The following ZBTB38 variants were observed in gnomAD, a reference collection of about 807,000 sequenced individuals.
ZBTB38 encodes the protein zinc finger and BTB domain containing 38, also known as zinc finger and BTB domain-containing protein 38.
A neutral mutation model predicts 76.8 loss-of-function variants in ZBTB38; 20 were observed. The observed-to-expected ratio is 0.26, with a 90% CI of 0.18 to 0.38. The LOEUF (loss-of-function observed/expected upper bound fraction) is 0.38, where lower values mean the gene tolerates loss of function less well. Among genes scored for constraint, ZBTB38 ranks in the 10% least tolerant of loss-of-function variants. The pLI, the probability that ZBTB38 is intolerant of heterozygous loss-of-function variation, is 1.00. For synonymous variants in ZBTB38, 504 were observed against 544.2 expected, an observed-to-expected ratio of 0.93 and a Z score of 1.03; for missense variants, 1,082 against 1,482.3, an observed-to-expected ratio of 0.73 and a Z score of 4.43.
chr3:141,404,991 C>A (rs185477150), intron 5 of ZBTB38, among the ~76,000 whole-genome samples: 1 of 152,314 alleles, frequency 6.6e-6, no homozygotes, highest in Admixed American at 6.5e-5. Flanking sequence ...CACCAAAATT[C>A]CTACTTCTAA....
chr3:141,398,102 T>C (rs1366118205), intron 4 of ZBTB38, among the ~76,000 whole-genome samples: 2 of 152,250 alleles, frequency 1.3e-5, no homozygotes, highest in Admixed American at 6.5e-5. Flanking sequence ...TTAAAAAATG[T>C]ATAAACTATT....
In ZBTB38 at chr3:141,339,069, A is replaced by G. The variant is rs1178696968; in HGVS notation, c.-739+14613A>G. On this transcript the variant is annotated intron_variant, in intron 1 of 7. Transcript: ENST00000509842. ...CTGGAGTTGTGACATTCAAGCAGAG[A>G]CCTGAATGAAGCAAGAGAGTGGGCC... Among the ~76,000 whole-genome samples, 5 of 152,218 alleles carry G rather than the reference A, an allele frequency of 3.3e-5. No individual in the cohort carries two copies. The East Asian group carries it at 7.8e-4, about 24-fold the overall frequency.
At chr3:141,330,870 A>G (rs1053013356) in intron 1 of ZBTB38, among the ~76,000 whole-genome samples, 2 of 152,208 alleles carry the variant, frequency 1.3e-5, no homozygotes, top group Non-Finnish European at 2.9e-5. Flanking sequence ...CTCTGCAGAG[A>G]GTCCCCACCA....
intron 1 of ZBTB38, among the ~76,000 whole-genome samples, chr3:141,330,280 G>A (rs956187637): frequency 1.3e-5 from 2 of 152,092 alleles, no homozygotes; most frequent in African/African-American, 4.8e-5. Context: ...CAATTAATGC[G>A]CTCTCCTGAC....
intron 5 of ZBTB38, among the ~76,000 whole-genome samples, chr3:141,427,081 C>T (rs1384679635): frequency 6.6e-6 from 1 of 152,046 alleles, no homozygotes; most frequent in Non-Finnish European, 1.5e-5. Flanking sequence ...GTTGACCTGA[C>T]ACTGGGTCTG....
chr3:141,427,007 CCTT>C (rs937330112), intron 5 of ZBTB38, among the ~76,000 whole-genome samples: 11 of 150,512 alleles, frequency 7.3e-5, no homozygotes, highest in African/African-American at 2.7e-4. Context: ...GTCAGAACAA[CCTT>C]CTTGGCTTTT....
chr3:141,399,687 T>C (rs1275320131), intron 4 of ZBTB38, among the ~76,000 whole-genome samples: 2 of 152,236 alleles, frequency 1.3e-5, no homozygotes, highest in East Asian at 1.9e-4. Flanking sequence ...TCCTAACCAA[T>C]AGTAGGAAAC....
chr3:141,432,932 G>A (rs1014268306), intron 5 of ZBTB38, among the ~76,000 whole-genome samples: 1 of 152,208 alleles, frequency 6.6e-6, no homozygotes, highest in Non-Finnish European at 1.5e-5. Flanking sequence ...TGCAAGCAAT[G>A]ATAGATTGAT....
intron 4 of ZBTB38, among the ~76,000 whole-genome samples, chr3:141,393,616 G>GTAGA (rs1484551923): frequency 2.6e-5 from 4 of 152,180 alleles, no homozygotes; most frequent in Non-Finnish European, 5.9e-5. Context: ...GGAGCTGGCT[G>GTAGA]TAGATAGAGA....
At chr3:141,382,633 C>G (rs1946362009) in intron 3 of ZBTB38, among the ~76,000 whole-genome samples, 1 of 152,132 alleles carries the variant, frequency 6.6e-6, no homozygotes, top group African/African-American at 2.4e-5. Context: ...TGGCAAATCT[C>G]CCACTAAAAT....
rs751298250 is a variant in ZBTB38 at position 141,445,284 on chromosome 3, C to G, written c.2896C>G (p.Pro966Ala). The part of the protein sequence containing the change: ...AELDCAVGKA[P>A]QDKPFEEEET... Reference sequence around the variant, plus strand: ...ACTGGATTGCGCCGTGGGGAAGGCTCCTCAGGATAAACCCTTTGAGGAAGA... The same window carrying G: ...ACTGGATTGCGCCGTGGGGAAGGCTGCTCAGGATAAACCCTTTGAGGAAGA... The change falls in exon 6 of 6, where the codon CCT becomes GCT. Residue 966 changes from proline to alanine, a missense_variant. By Grantham distance (27) the Pro-to-Ala change is conservative. Around this residue, in one of 8 missense-constraint regions of ZBTB38, gnomAD observed 471 missense variants for 581.0 expected, o/e 0.81. Coordinates refer to ENST00000321464, the MANE Select transcript of ZBTB38 (RefSeq NM_001376113.1). The surrounding 1 kb of genome is among the most constrained non-coding windows in gnomAD (Gnocchi z 6.5). 1 of 1,614,172 alleles carries G rather than the reference C, an allele frequency of 6.2e-7. No individual in the cohort carries two copies.
chr3:141,376,977 C>T (rs769854963), intron 2 of ZBTB38, among the ~76,000 whole-genome samples: 20 of 152,188 alleles, frequency 1.3e-4, no homozygotes, highest in Admixed American at 1.2e-3. Flanking sequence ...ATGCTGATAA[C>T]GATCTAACCT....
At chr3:141,430,318 C>T (rs945963086) in intron 5 of ZBTB38, among the ~76,000 whole-genome samples, 3 of 152,164 alleles carry the variant, frequency 2.0e-5, no homozygotes, top group Non-Finnish European at 4.4e-5. Flanking sequence ...CCACCTGCCT[C>T]AGCCTCCCAG....
At chr3:141,369,991 C>T (rs982097884) in intron 2 of ZBTB38, 45 bp downstream of exon 2, 1 of 152,150 alleles carries the variant, frequency 6.6e-6, no homozygotes, top group Non-Finnish European at 1.5e-5. Context: ...TTAAGTCTCC[C>T]AATTCTCCTT....
intron 4 of ZBTB38, among the ~76,000 whole-genome samples, chr3:141,402,025 G>T (rs1235473604): frequency 1.3e-5 from 2 of 152,236 alleles, no homozygotes; most frequent in East Asian, 3.9e-4. Context: ...CCGAGGCCTT[G>T]TTCTGACAGT....
chr3:141,354,916 C>T (rs1576670998), intron 1 of ZBTB38, among the ~76,000 whole-genome samples: 1 of 152,064 alleles, frequency 6.6e-6, no homozygotes, highest in East Asian at 1.9e-4. Flanking sequence ...TTCCAGGCCT[C>T]TTTCTCACGA....
chr3:141,443,720 G>T lies in ZBTB38; in HGVS notation c.1332G>T (p.Leu444Phe). ...IGEFSSTGST[L>F]PDTDHMVKFV... ...AATTTTCCAGTACCGGAAGTACTTT[G>T]CCAGACACGGACCACATGGTTAAAT... is the stretch of plus-strand genomic sequence containing the variant. Residue 444 changes from leucine (L) to phenylalanine (F), a missense_variant, in exon 6 of 6, where the codon TTG becomes TTT. This residue lies in a region of ZBTB38 where 324 missense variants were observed against 359.1 expected (regional missense o/e 0.90). Coordinates refer to ENST00000321464, the MANE Select transcript of ZBTB38 (RefSeq NM_001376113.1). The surrounding 1 kb of genome is among the most constrained non-coding windows in gnomAD (Gnocchi z 5.6). 1 of 1,613,962 alleles carries T rather than the reference G, an allele frequency of 6.2e-7. No individual in the cohort carries two copies. The highest frequency in any genetic ancestry group is 8.5e-7 in the Non-Finnish European group (1 of 1,180,038).
At chr3:141,411,786 A>G (rs1030383972) in intron 5 of ZBTB38, among the ~76,000 whole-genome samples, 1 of 152,240 alleles carries the variant, frequency 6.6e-6, no homozygotes, top group African/African-American at 2.4e-5. Flanking sequence ...GTGTAAAGCA[A>G]CTTTTTGCAC....
At chr3:141,387,635 A>G (rs1947487265) in intron 4 of ZBTB38, 1 of 151,972 alleles carries the variant, frequency 6.6e-6, no homozygotes, top group Non-Finnish European at 1.5e-5. Flanking sequence ...TCAACACACC[A>G]CCTCCTTGGT....
Sources: allele counts gnomAD v4.1 joint callset (sites outside exome capture counted in the v4.1 genomes callset), GRCh38; gene constraint gnomAD v4.1.1; regional missense constraint gnomAD v4.1.1; non-coding constraint Gnocchi (gnomAD v3.1); transcripts MANE v1.5; gene names NCBI Gene and HGNC (gene_info 2026-07-23, HGNC 2026-07-21).